The following SLC41A3 variants were observed in gnomAD, a reference collection of about 807,000 sequenced individuals.
SLC41A3 encodes the protein solute carrier family 41 member 3.
In SLC41A3, 44 loss-of-function variants were observed where a neutral mutation model predicts 45.4. The observed-to-expected ratio is 0.97, with a 90% confidence interval of 0.76 to 1.25. The LOEUF (loss-of-function observed/expected upper bound fraction) is 1.25. SLC41A3 is among the 50% of genes most tolerant of loss of function. The probability of loss-of-function intolerance (pLI) is 0.00; values close to 1 mark genes in which losing one functional copy is unlikely to be tolerated. For missense variants in SLC41A3, 550 were observed against 600.6 expected (o/e 0.92, Z 0.88); for synonymous variants, 256 against 252.4 (o/e 1.01, Z -0.13).
intron 3 of SLC41A3, among the ~76,000 whole-genome samples, chr3:126,041,824 C>T (rs566334454): frequency 7.7e-4 from 117 of 152,256 alleles, no homozygotes; most frequent in Non-Finnish European, 1.4e-3. Flanking sequence ...ATAAGCAACA[C>T]AGAGTGACCA....
At position 126,030,000 on chromosome 3, in the gene SLC41A3, G is replaced by A. The variant is rs567416330; in HGVS notation, c.454-3521C>T. Among the ~76,000 whole-genome samples, 25 of 145,172 alleles carry A rather than the reference G, an allele frequency of 1.7e-4. 1 individual carries two copies. In the South Asian group the frequency reaches 6.1e-3, roughly 36 times the overall value. ...CAGGGTAAGAAAAACTGGATATCTA[G>A]GTTTGGGAAAAATATGGGTCCCTAC... On this transcript the variant is annotated intron_variant, in intron 4 of 10. Coordinates refer to ENST00000360370, the MANE Select transcript of SLC41A3 (RefSeq NM_017836.4).
In SLC41A3 at chr3:126,026,484, T is replaced by C. The variant is rs1401841639; in HGVS notation, c.454-5A>G. On this transcript the variant is annotated splice_polypyrimidine_tract_variant and splice_region_variant and intron_variant, in intron 4 of 10. Coordinates refer to ENST00000360370, the MANE Select transcript of SLC41A3 (RefSeq NM_017836.4). This position sits in a 1 kb window ranked among gnomAD's most constrained non-coding sequence, Gnocchi z 4.2. The stretch of plus-strand genomic sequence containing the variant: ...CCCCACGACAGTGGCCTGCACCTGT[T>C]GGACAGAAATCAGAAGCATGAAGGG... 1 of 1,599,362 alleles carries C rather than the reference T, an allele frequency of 6.3e-7. No individual in the cohort carries two copies. The highest frequency in any genetic ancestry group is 1.7e-5 in the Admixed American group (1 of 58,246).
chr3:126,096,652 C>G (rs1397622883), intron 1 of SLC41A3, among the ~76,000 whole-genome samples: 1 of 152,256 alleles, frequency 6.6e-6, no homozygotes, highest in Non-Finnish European at 1.5e-5. Context: ...CCCCTTTATT[C>G]TGGCCCATCC....
intron 1 of SLC41A3, among the ~76,000 whole-genome samples, chr3:126,081,925 C>T (rs1370734585): frequency 6.6e-6 from 1 of 152,266 alleles, no homozygotes; most frequent in Non-Finnish European, 1.5e-5. Context: ...ATCCGTGATT[C>T]ATGCTGGGAA....
rs1372846474 is a variant in SLC41A3 at position 126,056,565 on chromosome 3, C to T, written c.274-5515G>A. The T allele has an allele frequency of 3.7e-6, 6 of 1,611,188 alleles. No homozygotes were observed. In the Middle Eastern group the frequency reaches 5.3e-4, roughly 143 times the overall value. ...GGGTGACCACCATGGCCAGGCAATG[C>T]ACCACGATCCCAGGAGCACGAAGTC... On this transcript the variant is annotated intron_variant, in intron 2 of 10. Coordinates refer to ENST00000360370, the MANE Select transcript of SLC41A3 (RefSeq NM_017836.4).
intron 1 of SLC41A3, among the ~76,000 whole-genome samples, chr3:126,079,562 A>G (rs1051598092): frequency 2.6e-5 from 4 of 152,204 alleles, no homozygotes; most frequent in Non-Finnish European, 2.9e-5. Flanking sequence ...CTAGACAGCC[A>G]CCTGAGAAGA....
intron 1 of SLC41A3, among the ~76,000 whole-genome samples, chr3:126,075,742 C>CTTCA (rs1265241574): frequency 3.9e-5 from 6 of 152,104 alleles, no homozygotes; most frequent in African/African-American, 1.4e-4. Flanking sequence ...AGAGTAGTGT[C>CTTCA]TTCAATAAAC....
intron 9 of SLC41A3, among the ~76,000 whole-genome samples, chr3:126,011,726 T>C (rs187169255): frequency 6.6e-6 from 1 of 152,210 alleles, no homozygotes; most frequent in East Asian, 1.9e-4. Flanking sequence ...TAAATTGAAA[T>C]GGCAGATTTC....
In SLC41A3 at chr3:126,026,427, C is replaced by G. The variant is rs776892072; in HGVS notation, c.506G>C (p.Gly169Ala). 5.6e-6 allele frequency: 9 copies of G among 1,598,490 alleles called. No individual in the cohort carries two copies. The highest frequency in any genetic ancestry group is 8.5e-7 in the Non-Finnish European group (1 of 1,172,420). ...LLAAVAALLL[G>A]VVSREEVDVA... ...ATCCACTTCCTCTCGAGACACCACG[C>G]CCAACAGCAGCGCAGCCACAGCAGC... Residue 169 changes from glycine (G) to alanine (A), a missense_variant, in exon 5 of 11, where the codon GGC becomes GCC. Transcript: ENST00000360370. The surrounding 1 kb of genome is among the most constrained non-coding windows in gnomAD (Gnocchi z 4.2).
chr3:126,045,194 T>C (rs1165815917), intron 3 of SLC41A3, among the ~76,000 whole-genome samples: 1 of 151,194 alleles, frequency 6.6e-6, no homozygotes, highest in Non-Finnish European at 1.5e-5. Context: ...AGACCTCAAA[T>C]AAACCACCTA....
At chr3:126,084,857 A>G (rs1945341803), upstream of SLC41A3, among the ~76,000 whole-genome samples, 1 of 152,346 alleles carries the variant, frequency 6.6e-6, no homozygotes, top group Admixed American at 6.5e-5. Flanking sequence ...TTAGAATTTA[A>G]CCTGAAAAAC....
intron 1 of SLC41A3, 94 bp from the exon 2 acceptor site, chr3:126,068,340 G>T: frequency 8.2e-7 from 1 of 1,221,464 alleles, no homozygotes; most frequent in Non-Finnish European, 1.1e-6. Context: ...GCCCCAGGCC[G>T]GCATGGTCCC....
chr3:126,068,074 G>T lies in SLC41A3; in HGVS notation c.146C>A (p.Thr49Asn). The T allele has an allele frequency of 6.2e-7, 1 of 1,613,802 alleles. No homozygotes were observed. Among genetic ancestry groups the T allele is most frequent in the Non-Finnish European group, 8.5e-7 (1 of 1,179,946 alleles). Reference protein sequence around the residue: ...ALRAPESQSVTPKPLETEPSR... With the variant: ...ALRAPESQSVNPKPLETEPSR... ...AGGCTCAGTCTCCAGTGGCTTGGGG[G>T]TCACGCTTTGGCTCTCAGGGGCCCT... The change falls in exon 2 of 11, where the codon ACC (threonine) becomes AAC (asparagine). Residue 49 changes from threonine (T) to asparagine (N), a missense_variant. Thr to Asn is a moderately conservative substitution (Grantham distance 65). Transcript: ENST00000360370.
chr3:126,096,383 C>T (rs905012794), intron 1 of SLC41A3, among the ~76,000 whole-genome samples: 1 of 150,416 alleles, frequency 6.6e-6, no homozygotes, highest in African/African-American at 2.4e-5. Flanking sequence ...TGGGAACAGC[C>T]CCCCCACCCC....
chr3:126,059,307 A>AAAGAAAGAAAGGAAGG (rs1559870097), intron 2 of SLC41A3, among the ~76,000 whole-genome samples: 31 of 59,442 alleles, frequency 5.2e-4, no homozygotes, highest in Admixed American at 2.0e-3. Flanking sequence ...AGAAAGAAAG[A>AAAGAAAGAAAGGAAGG]AAGGAAGGAT....
intron 9 of SLC41A3, among the ~76,000 whole-genome samples, chr3:126,011,689 A>C (rs1939726935): frequency 6.6e-6 from 1 of 152,240 alleles, no homozygotes; most frequent in South Asian, 2.1e-4. Flanking sequence ...TGCAAGAGAG[A>C]AATGGCACCA....
At chr3:126,029,157 T>A (rs1231686826) in intron 4 of SLC41A3, among the ~76,000 whole-genome samples, 1 of 152,220 alleles carries the variant, frequency 6.6e-6, no homozygotes, top group Non-Finnish European at 1.5e-5. Context: ...GAGAAAGGCA[T>A]GAGATTTGGG....
intron 2 of SLC41A3, among the ~76,000 whole-genome samples, chr3:126,061,261 G>A (rs1048249735): frequency 6.6e-6 from 1 of 152,182 alleles, no homozygotes; most frequent in Non-Finnish European, 1.5e-5. Flanking sequence ...TAACTGTTAA[G>A]GTTCTTCTTT....
intron 7 of SLC41A3, among the ~76,000 whole-genome samples, chr3:126,016,291 A>G (rs1254579823): frequency 6.6e-6 from 1 of 152,178 alleles, no homozygotes; most frequent in Non-Finnish European, 1.5e-5. Context: ...AGGTCCCACC[A>G]GTAGCCATGT....
Sources: allele counts gnomAD v4.1 joint callset (sites outside exome capture counted in the v4.1 genomes callset), GRCh38; gene constraint gnomAD v4.1.1; non-coding constraint Gnocchi (gnomAD v3.1); transcripts MANE v1.5; gene names NCBI Gene and HGNC (gene_info 2026-07-23, HGNC 2026-07-21).